Variants in TRIM54 observed in about 807,000 individuals in gnomAD.
The protein encoded by TRIM54 is tripartite motif-containing protein 54.
Under a neutral mutation model 42.0 loss-of-function variants are expected in TRIM54, and 40 were observed. That is an observed-to-expected ratio of 0.95 (90% CI 0.74 to 1.24). The LOEUF (loss-of-function observed/expected upper bound fraction) is 1.24. Ranked by LOEUF, TRIM54 falls within the 50% of genes most tolerant of loss-of-function variation. The probability of loss-of-function intolerance (pLI) is 0.00; values close to 1 mark genes in which losing one functional copy is unlikely to be tolerated. For synonymous variants in TRIM54, 199 were observed against 194.9 expected, an observed-to-expected ratio of 1.02 and a Z score of -0.17; for missense variants, 485 against 480.3, an observed-to-expected ratio of 1.01 and a Z score of -0.09.
chr2:27,305,918 C>T, intron 5 of TRIM54, 101 bp downstream of exon 5: 1 of 1,369,892 alleles, frequency 7.3e-7, no homozygotes, highest in Non-Finnish European at 1.0e-6. Flanking sequence ...ACCTGCTTGC[C>T]CCTACGACCT....
At chr2:27,288,550 C>T (rs1223066696) in intron 1 of TRIM54, among the ~76,000 whole-genome samples, 1 of 152,220 alleles carries the variant, frequency 6.6e-6, no homozygotes, top group African/African-American at 2.4e-5. Context: ...TCTTATCCTT[C>T]ACAGTGGAGA....
intron 3 of TRIM54, chr2:27,304,699 G>A (rs1572531868): frequency 4.8e-6 from 2 of 416,122 alleles, no homozygotes; most frequent in Admixed American, 3.6e-5. Context: ...ATCTAGCCCA[G>A]TGTCTGGTAT....
intron 1 of TRIM54, among the ~76,000 whole-genome samples, chr2:27,284,708 T>A (rs1454479947): frequency 1.3e-5 from 2 of 152,136 alleles, no homozygotes; most frequent in African/African-American, 2.4e-5. Context: ...GATTTTGCCA[T>A]CCTTTCTCAT....
At chr2:27,299,755 G>A (rs1678979743) in intron 3 of TRIM54, 2 of 600,098 alleles carry the variant, frequency 3.3e-6, no homozygotes, top group East Asian at 5.5e-5. Flanking sequence ...GCCCAGGCTG[G>A]AGTGCAGTGG....
At chr2:27,302,599 C>T (rs898227175) in intron 3 of TRIM54, among the ~76,000 whole-genome samples, 1 of 151,916 alleles carries the variant, frequency 6.6e-6, no homozygotes, top group Admixed American at 6.6e-5. Context: ...CCAAACCAGC[C>T]TGGCCAACAT....
At chr2:27,299,479 C>CA (rs1678967432) in intron 3 of TRIM54, 63 bp downstream of exon 3, 2 of 1,580,332 alleles carry the variant, frequency 1.3e-6, no homozygotes, top group Admixed American at 3.6e-5. Flanking sequence ...GTCTCAGTGT[C>CA]AGCCTCTTAC....
chr2:27,306,518 G>A lies in TRIM54; in HGVS notation c.1054G>A (p.Glu352Lys). The A allele has an allele frequency of 6.4e-7, 1 of 1,564,910 alleles. No homozygotes were observed. The highest frequency in any genetic ancestry group is 2.4e-5 in the East Asian group (1 of 42,446). The change falls in exon 8 of 9, where the codon GAA becomes AAA. Residue 352 changes from glutamate (E) to lysine (K), a missense_variant. Glu to Lys is a moderately conservative substitution (Grantham distance 56). Transcript: ENST00000380075. This position sits in a 1 kb window ranked among gnomAD's most constrained non-coding sequence, Gnocchi z 6.1. ...DGEEGSAGPEEERPDGP is the reference protein window; with the variant it reads ...DGEEGSAGPEKERPDGP ...AGAGGAGGGCAGCGCGGGGCCGGAG[G>A]AAGAGCGGCCGGATGGGCCTTAAGG...
At chr2:27,287,195 G>T (rs1678591193) in intron 1 of TRIM54, among the ~76,000 whole-genome samples, 1 of 152,044 alleles carries the variant, frequency 6.6e-6, no homozygotes, top group Non-Finnish European at 1.5e-5. Flanking sequence ...AAATGAAAAG[G>T]GTGTTTTCTT....
chr2:27,291,383 A>T (rs1178408595), intron 1 of TRIM54, among the ~76,000 whole-genome samples: 1 of 152,158 alleles, frequency 6.6e-6, no homozygotes, highest in Non-Finnish European at 1.5e-5. Flanking sequence ...ACAAAAAATG[A>T]CTTTTAAACC....
Position 27,306,259 on chromosome 2 carries a change from G to A in TRIM54, c.913G>A (p.Gly305Ser). ...GGAGCTGGCAGGGCGGCCGGAGCCA[G>A]GCTATGAGAGCATGGAGCAATTCAC... is the stretch of plus-strand genomic sequence containing the variant. ...KVELAGRPEP[G>S]YESMEQFTVR... is the part of the protein sequence containing the mutation. The change falls in exon 7 of 9, where the codon GGC becomes AGC. Residue 305 changes from glycine (G) to serine (S), a missense_variant. Physicochemically the swap from Gly to Ser is moderately conservative, Grantham distance 56. Coordinates refer to ENST00000380075, the MANE Select transcript of TRIM54 (RefSeq NM_187841.3). The surrounding 1 kb of genome is among the most constrained non-coding windows in gnomAD (Gnocchi z 6.1). The A allele has an allele frequency of 6.2e-7, 1 of 1,614,134 alleles. No homozygotes were observed. The highest frequency in any genetic ancestry group is 8.5e-7 in the Non-Finnish European group (1 of 1,180,024).
intron 3 of TRIM54, chr2:27,299,650 A>G (rs1678972333): frequency 1.3e-6 from 1 of 785,560 alleles, no homozygotes. Context: ...CACTAAGATT[A>G]TAGATGTGAG....
chr2:27,283,873 GC>G (rs1278006524), intron 1 of TRIM54, among the ~76,000 whole-genome samples: 1 of 151,604 alleles, frequency 6.6e-6, no homozygotes, highest in Admixed American at 6.6e-5. Context: ...AGTGGCTCAC[GC>G]CTGTAATCCC....
At chr2:27,299,533 C>T (rs1276218505) in intron 3 of TRIM54, 117 bp downstream of exon 3, 2 of 1,535,198 alleles carry the variant, frequency 1.3e-6, no homozygotes, top group Admixed American at 2.0e-5. Context: ...TATTTAGAAA[C>T]AGGATCTCAC....
Position 27,304,992 on chromosome 2 carries a change from G to A in TRIM54, c.547G>A (p.Ala183Thr). The change falls in exon 4 of 9, where the codon GCA (alanine) becomes ACA (threonine). Residue 183 changes from alanine to threonine, a missense_variant. Transcript: ENST00000380075. Reference protein sequence around the residue: ...ELSDGIAMLVAGNDRVQAVIT... With the variant: ...ELSDGIAMLVTGNDRVQAVIT... ...CAGCGATGGCATCGCGATGCTGGTG[G>A]CAGGCAATGACCGCGTGCAAGCAGT... 6.2e-7 allele frequency: 1 copy of A among 1,614,152 alleles called. No homozygotes were observed. The highest frequency in any genetic ancestry group is 8.5e-7 in the Non-Finnish European group (1 of 1,180,022).
intron 1 of TRIM54, among the ~76,000 whole-genome samples, chr2:27,298,335 T>C (rs1316053058): frequency 6.6e-6 from 1 of 152,162 alleles, no homozygotes; most frequent in Admixed American, 6.6e-5. Flanking sequence ...GAGTTCTGGA[T>C]GCAGGGGCAC....
At chr2:27,292,231 G>A (rs1488514347) in intron 1 of TRIM54, among the ~76,000 whole-genome samples, 3 of 152,204 alleles carry the variant, frequency 2.0e-5, no homozygotes, top group African/African-American at 7.2e-5. Flanking sequence ...GAGTTTGAAG[G>A]AAGACATTGG....
At chr2:27,283,706 G>A (rs956395939) in intron 1 of TRIM54, among the ~76,000 whole-genome samples, 2 of 150,172 alleles carry the variant, frequency 1.3e-5, no homozygotes, top group Non-Finnish European at 3.0e-5. Flanking sequence ...CTGTGCTACT[G>A]GGGAGGTTCT....
At position 27,306,275 on chromosome 2, in the gene TRIM54, A is replaced by G; in HGVS notation, c.929A>G (p.Glu310Gly). The G allele has an allele frequency of 6.2e-7, 1 of 1,614,100 alleles. No individual in the cohort carries two copies. The highest frequency in any genetic ancestry group is 8.5e-7 in the Non-Finnish European group (1 of 1,180,024). The change falls in exon 7 of 9, where the codon GAG becomes GGG. Residue 310 changes from glutamate (E) to glycine (G), a missense_variant. Coordinates refer to ENST00000380075, the MANE Select transcript of TRIM54 (RefSeq NM_187841.3). The surrounding 1 kb of genome is among the most constrained non-coding windows in gnomAD (Gnocchi z 6.1). The part of the protein sequence containing the change: ...GRPEPGYESM[E>G]QFTVRVEHVA... The stretch of plus-strand genomic sequence containing the variant: ...CCGGAGCCAGGCTATGAGAGCATGG[A>G]GCAATTCACCGTAAGGGTGGAGCAC...
intron 1 of TRIM54, among the ~76,000 whole-genome samples, chr2:27,292,024 A>G (rs922883322): frequency 6.6e-6 from 1 of 152,234 alleles, no homozygotes; most frequent in African/African-American, 2.4e-5. Flanking sequence ...CTCCCAAGAC[A>G]GGAACTTTTC....
Sources: gnomAD v4.1 joint callset for allele counts (sites outside exome capture counted in the v4.1 genomes callset) on GRCh38, gnomAD v4.1.1 for gene constraint, Gnocchi (gnomAD v3.1) non-coding constraint, MANE v1.5 for transcripts, NCBI Gene and HGNC (gene_info 2026-07-23, HGNC 2026-07-21) for gene names.